TMEM132D: variants seen among roughly 807,000 people sequenced by gnomAD.
TMEM132D encodes transmembrane protein 132D.
Under a neutral mutation model 62.3 loss-of-function variants are expected in TMEM132D, and 21 were observed. That is an observed-to-expected ratio of 0.34 (90% confidence interval 0.24 to 0.49). TMEM132D has a LOEUF of 0.49. TMEM132D is among the 20% of genes least tolerant of loss of function. The probability of loss-of-function intolerance (pLI) is 0.99; values close to 1 mark genes in which losing one functional copy is unlikely to be tolerated. For missense variants in TMEM132D, 1,346 were observed against 1,402.8 expected, an observed-to-expected ratio of 0.96 and a Z score of 0.65; for synonymous variants, 621 against 575.6, an observed-to-expected ratio of 1.08 and a Z score of -1.13.
At chr12:129,081,409 G>A (rs998508464) in intron 7 of TMEM132D, among the ~76,000 whole-genome samples, 2 of 152,096 alleles carry the variant, frequency 1.3e-5, no homozygotes, top group Non-Finnish European at 2.9e-5. Flanking sequence ...AGCGATCCTT[G>A]CACCTCAGCC....
intron 4 of TMEM132D, among the ~76,000 whole-genome samples, chr12:129,330,557 T>C (rs1869070818): frequency 6.6e-6 from 1 of 152,212 alleles, no homozygotes; most frequent in South Asian, 2.1e-4. Flanking sequence ...CATGGATGAA[T>C]GGATGAATGG....
chr12:129,654,613 A>G (rs908016251), intron 2 of TMEM132D, among the ~76,000 whole-genome samples: 1 of 152,182 alleles, frequency 6.6e-6, no homozygotes, highest in Non-Finnish European at 1.5e-5. Context: ...GAAGCCCCCA[A>G]CAAAATTCAT....
At chr12:129,348,582 A>G (rs774303898) in intron 3 of TMEM132D, among the ~76,000 whole-genome samples, 1 of 152,090 alleles carries the variant, frequency 6.6e-6, no homozygotes, top group Non-Finnish European at 1.5e-5. Flanking sequence ...AAGGGAGAGC[A>G]TGAGGACAAA....
intron 5 of TMEM132D, among the ~76,000 whole-genome samples, chr12:129,149,426 G>A (rs1283638409): frequency 1.3e-5 from 2 of 152,104 alleles, no homozygotes; most frequent in Non-Finnish European, 2.9e-5. Flanking sequence ...AGAGCTCAAG[G>A]CTTTCTGTCC....
At position 129,680,829 on chromosome 12, in the gene TMEM132D, G is replaced by C. The variant is rs932561193; in HGVS notation, c.968+18981C>G. On this transcript the variant is annotated intron_variant, in intron 2 of 8. Coordinates refer to ENST00000422113, the MANE Select transcript of TMEM132D (RefSeq NM_133448.3). ...ACAAAGCAAAGAGGTTGTGTTAAAA[G>C]AGGCCAAGAGTAAGGTCTTCATGTA... Among the ~76,000 whole-genome samples, 20 of 152,164 alleles carry C rather than the reference G, an allele frequency of 1.3e-4. 1 individual carries two copies. Among genetic ancestry groups the C allele is most frequent in the Non-Finnish European group, 2.6e-4 (18 of 68,030 alleles).
intron 1 of TMEM132D, among the ~76,000 whole-genome samples, chr12:129,885,131 C>A (rs1332400776): frequency 6.6e-6 from 1 of 152,154 alleles, no homozygotes; most frequent in Non-Finnish European, 1.5e-5. Flanking sequence ...GAGAGGGGCC[C>A]ATTATCAAGG....
chr12:129,451,413 T>C (rs530800983), intron 3 of TMEM132D, among the ~76,000 whole-genome samples: 4 of 152,294 alleles, frequency 2.6e-5, no homozygotes, highest in Non-Finnish European at 5.9e-5. Flanking sequence ...TTTTGCTGTA[T>C]ATCTGGTTCC....
At chr12:129,215,350 GAGA>G (rs1424045377) in intron 4 of TMEM132D, among the ~76,000 whole-genome samples, 7 of 152,154 alleles carry the variant, frequency 4.6e-5, no homozygotes. Flanking sequence ...TGGGAGGAGG[GAGA>G]AGATCAGGAA....
At chr12:129,428,586 A>C (rs536107670) in intron 3 of TMEM132D, among the ~76,000 whole-genome samples, 1 of 152,230 alleles carries the variant, frequency 6.6e-6, no homozygotes, top group Non-Finnish European at 1.5e-5. Flanking sequence ...TAGCCCTGGG[A>C]CAAAATTCTT....
intron 3 of TMEM132D, 105 bp from the exon 4 acceptor site, chr12:129,337,922 T>G: frequency 8.3e-7 from 1 of 1,200,152 alleles, no homozygotes; most frequent in Non-Finnish European, 1.2e-6. Context: ...TACCTCCACA[T>G]GGAACCAAGC....
chr12:129,463,626 C>A (rs538918146), intron 3 of TMEM132D, among the ~76,000 whole-genome samples: 14 of 150,766 alleles, frequency 9.3e-5, no homozygotes, highest in African/African-American at 3.2e-4. Flanking sequence ...CCTCCCCGCT[C>A]CCCCCACCCC....
At chr12:129,818,157 GGTGTATGTGTGT>G (rs1341461481) in intron 1 of TMEM132D, among the ~76,000 whole-genome samples, 4 of 145,444 alleles carry the variant, frequency 2.8e-5, no homozygotes, top group Admixed American at 6.8e-5. Context: ...TGTGGTATAA[GGTGTATGTGTGT>G]GTGTATGTGT....
intron 5 of TMEM132D, among the ~76,000 whole-genome samples, chr12:129,087,604 G>A (rs185430265): frequency 8.5e-5 from 13 of 152,124 alleles, no homozygotes; most frequent in Admixed American, 7.2e-4. Context: ...GAAGGAAGGA[G>A]GCAACTCTGG....
chr12:129,101,235 G>A (rs1049122966), intron 5 of TMEM132D, among the ~76,000 whole-genome samples: 2 of 152,210 alleles, frequency 1.3e-5, no homozygotes, highest in African/African-American at 4.8e-5. Context: ...CATCCTGGCC[G>A]AGCCTCCAAC....
At position 129,182,726 on chromosome 12, in the gene TMEM132D, G is replaced by T. The variant is rs1593288154; in HGVS notation, c.1443+26794C>A. Among the ~76,000 whole-genome samples the T allele has an allele frequency of 1.3e-5, 2 of 152,352 alleles. 1 individual carries two copies. The highest frequency in any genetic ancestry group is 1.3e-4 in the Admixed American group (2 of 15,304). On this transcript the variant is annotated intron_variant, in intron 5 of 8. Coordinates refer to ENST00000422113, the MANE Select transcript of TMEM132D (RefSeq NM_133448.3). ...TACTTGGGATGATGTTTGACCAAAT[G>T]TCTGGGCACTGTGGCCCAGTCAAGT...
intron 3 of TMEM132D, among the ~76,000 whole-genome samples, chr12:129,490,926 AC>A (rs1415087693): frequency 6.6e-6 from 1 of 150,736 alleles, no homozygotes; most frequent in African/African-American, 2.4e-5. Context: ...TTTCCTGCCT[AC>A]CCCCTACTCT....
intron 5 of TMEM132D, among the ~76,000 whole-genome samples, chr12:129,166,758 CACACAT>C (rs1565984592): frequency 2.7e-5 from 3 of 109,848 alleles, no homozygotes; most frequent in Non-Finnish European, 5.6e-5. Flanking sequence ...TACATACACA[CACACAT>C]ATATATATAT....
At chr12:129,629,827 T>C (rs1565929136) in intron 2 of TMEM132D, among the ~76,000 whole-genome samples, 1 of 152,210 alleles carries the variant, frequency 6.6e-6, no homozygotes, top group Admixed American at 6.5e-5. Flanking sequence ...ATGACCTAGC[T>C]TGGCTTGTGT....
intron 1 of TMEM132D, among the ~76,000 whole-genome samples, chr12:129,822,647 C>G (rs1439725305): frequency 6.6e-6 from 1 of 152,192 alleles, no homozygotes; most frequent in African/African-American, 2.4e-5. Context: ...CAGTTCCACA[C>G]GGCTGCCAAG....
Sources: gnomAD v4.1 joint callset for allele counts (sites outside exome capture counted in the v4.1 genomes callset) on GRCh38, gnomAD v4.1.1 for gene constraint, MANE v1.5 for transcripts, NCBI Gene and HGNC (gene_info 2026-07-23, HGNC 2026-07-21) for gene names.